The following TMC3 variants were observed in gnomAD, a reference collection of about 807,000 sequenced individuals.
The protein encoded by TMC3 is transmembrane channel-like protein 3.
A neutral mutation model predicts 110.6 loss-of-function variants in TMC3; 98 were observed. That is an observed-to-expected ratio of 0.89 (90% CI 0.75 to 1.05). The LOEUF (loss-of-function observed/expected upper bound fraction) is 1.05. Ranked by LOEUF, TMC3 falls within the 50% of genes least tolerant of loss-of-function variation. The pLI is 0.00. For missense variants in TMC3, 1,319 were observed against 1,373.2 expected (o/e 0.96, Z 0.62); for synonymous variants, 489 against 513.1 (o/e 0.95, Z 0.63).
intron 3 of TMC3, among the ~76,000 whole-genome samples, chr15:81,362,629 C>G (rs1191370036): frequency 6.6e-6 from 1 of 152,156 alleles, no homozygotes; most frequent in Non-Finnish European, 1.5e-5. Flanking sequence ...CCATCCCATT[C>G]CTGATGAGGG....
rs767112208 is a variant in TMC3 at position 81,336,605 on chromosome 15, T to C, written c.2203+4A>G. On this transcript the variant is annotated splice_donor_region_variant and intron_variant, in intron 20 of 21. Coordinates refer to ENST00000359440, the MANE Select transcript of TMC3 (RefSeq NM_001080532.3). ...CAACAACAAAAAGAAACGGAAATAC[T>C]TACCTTCTACCATCTGGGCAACCTT... 10 of 1,613,698 alleles carry C rather than the reference T, an allele frequency of 6.2e-6. No homozygotes were observed. Among genetic ancestry groups the C allele is most frequent in the Non-Finnish European group, 8.5e-6 (10 of 1,179,790 alleles).
chr15:81,368,330 TAAGAGAA>T lies in TMC3; in HGVS notation c.237-9_237-3del. ...TTCAGCACAATGTTCTTCGCTTGTC[TAAGAGAA>T]GAAAAACATGATGGTGAACACAATT... On this transcript the variant is annotated splice_region_variant and splice_polypyrimidine_tract_variant and intron_variant, in intron 2 of 21. Coordinates refer to ENST00000359440, the MANE Select transcript of TMC3 (RefSeq NM_001080532.3). 1 of 1,612,008 alleles carries T rather than the reference TAAGAGAA, an allele frequency of 6.2e-7. No homozygotes were observed. The highest frequency in any genetic ancestry group is 8.5e-7 in the Non-Finnish European group (1 of 1,178,232).
intron 3 of TMC3, 85 bp downstream of exon 3, chr15:81,368,168 C>A: frequency 1.1e-6 from 1 of 945,996 alleles, no homozygotes; most frequent in African/African-American, 1.6e-5. Context: ...CTTCTGACCT[C>A]GTGATCCACC....
chr15:81,341,305 G>T, intron 16 of TMC3, 85 bp downstream of exon 16: 1 of 1,409,002 alleles, frequency 7.1e-7, no homozygotes, highest in Non-Finnish European at 9.5e-7. Context: ...GGGACCCTTT[G>T]CTAGAGGACC....
intron 4 of TMC3, chr15:81,361,889 C>T: frequency 5.9e-6 from 1 of 168,130 alleles, no homozygotes. Context: ...TTTGCAATTC[C>T]TTGAGCTACC....
rs373067910 is a variant in TMC3 at position 81,332,904 on chromosome 15, G to T, written c.2818C>A (p.Gln940Lys). ...GTCTCCTCCTCTTCTTCACTCAGCT[G>T]TGGGGAGGGAGGCTGGCGGGGGACC... Reference protein sequence around the residue: ...SRVPRQPPSPQLSEEEEETPS... With the variant: ...SRVPRQPPSPKLSEEEEETPS... Residue 940 changes from glutamine (Q) to lysine (K), a missense_variant, in exon 22 of 22, where the codon CAG (glutamine) becomes AAG (lysine). Physicochemically the swap from Gln to Lys is moderately conservative, Grantham distance 53. Coordinates refer to ENST00000359440, the MANE Select transcript of TMC3 (RefSeq NM_001080532.3). 4 of 1,613,180 alleles carry T rather than the reference G, an allele frequency of 2.5e-6. No homozygotes were observed. In the African/African-American group the frequency reaches 5.3e-5, roughly 22 times the overall value.
chr15:81,332,672 C>T lies in TMC3; in HGVS notation c.3050G>A (p.Arg1017Gln), dbSNP rs1428681266. The T allele has an allele frequency of 5.6e-6, 9 of 1,613,972 alleles. No homozygotes were observed. In the Admixed American group the frequency reaches 6.7e-5, roughly 12 times the overall value. The change falls in exon 22 of 22, where the codon CGG (arginine) becomes CAG (glutamine). Residue 1017 changes from arginine (R) to glutamine (Q), a missense_variant. Coordinates refer to ENST00000359440, the MANE Select transcript of TMC3 (RefSeq NM_001080532.3). The stretch of plus-strand genomic sequence containing the variant: ...AGGGGGCTGTGGGTATTGGAAATTC[C>T]GGGATCGTGGCTTTCTGGGCACATA... Reference protein sequence around the residue: ...PAYVPRKPRSRNFQYPQPPLK... With the variant: ...PAYVPRKPRSQNFQYPQPPLK...
intron 4 of TMC3, among the ~76,000 whole-genome samples, chr15:81,360,590 T>C (rs1249656689): frequency 6.6e-6 from 1 of 150,694 alleles, no homozygotes; most frequent in Non-Finnish European, 1.5e-5. Context: ...GCACTCTCCG[T>C]AGAGAAGTTG....
chr15:81,354,593 G>A (rs1018551274), intron 9 of TMC3, among the ~76,000 whole-genome samples: 34 of 152,230 alleles, frequency 2.2e-4, no homozygotes, highest in South Asian at 2.1e-4. Context: ...CAGCGGGTAC[G>A]AGCAAGGGGT....
At chr15:81,343,677 C>T (rs943676603) in intron 14 of TMC3, among the ~76,000 whole-genome samples, 4 of 151,602 alleles carry the variant, frequency 2.6e-5, no homozygotes, top group African/African-American at 9.7e-5. Context: ...ATAGTCCCAG[C>T]TACTCGGGAG....
At chr15:81,373,192 C>G (rs902000965) in intron 1 of TMC3, among the ~76,000 whole-genome samples, 1 of 152,196 alleles carries the variant, frequency 6.6e-6, no homozygotes, top group African/African-American at 2.4e-5. Flanking sequence ...ATCAAAACTT[C>G]TGCCACTCAG....
chr15:81,337,792 C>G (rs1369009232), intron 19 of TMC3, 54 bp downstream of exon 19: 1 of 1,466,476 alleles, frequency 6.8e-7, no homozygotes, highest in East Asian at 2.3e-5. Flanking sequence ...CTGGCGGGAT[C>G]TCAGTCATGT....
Position 81,356,567 on chromosome 15 carries a change from A to G in TMC3, c.771T>C (p.Leu257=). Residue 257 remains leucine (L), a synonymous_variant, in exon 8 of 22, where the codon CTT becomes CTC. Transcript: ENST00000359440. ...KKMAKNSRTS[L]ASASNENYTF... ...TATAGTTTTCATTGGAAGCACTGGC[A>G]AGACTCGTGCGGGAGTTCTTAGCCA... The G allele has an allele frequency of 1.3e-6, 2 of 1,588,310 alleles. No individual in the cohort carries two copies. Among genetic ancestry groups the G allele is most frequent in the African/African-American group, 2.7e-5 (2 of 74,512 alleles).
At position 81,341,418 on chromosome 15, in the gene TMC3, G is replaced by A; in HGVS notation, c.1816C>T (p.Pro606Ser). Reference sequence around the variant, plus strand: ...GAGGCTCGAAATACTTGCTGGTGGGGCACATTGCAGGTCAGCACAGCCCAG... The same window carrying A: ...GAGGCTCGAAATACTTGCTGGTGGGACACATTGCAGGTCAGCACAGCCCAG... Reference protein sequence around the residue: ...RSWAVLTCNVPHQQVFRASRS... With the variant: ...RSWAVLTCNVSHQQVFRASRS... Residue 606 changes from proline to serine, a missense_variant, in exon 16 of 22, where the codon CCC becomes TCC. By Grantham distance (74) the Pro-to-Ser change is moderately conservative (BLOSUM62 -1). Transcript: ENST00000359440. 1 of 1,611,556 alleles carries A rather than the reference G, an allele frequency of 6.2e-7. No individual in the cohort carries two copies. The highest frequency in any genetic ancestry group is 1.1e-5 in the South Asian group (1 of 90,490).
rs199701373 is a variant in TMC3, at chr15:81,342,939, G to A, written c.1715+339C>T. 24 of 207,524 alleles carry A rather than the reference G, an allele frequency of 1.2e-4. No homozygotes were observed. In the East Asian group the frequency reaches 1.3e-3, roughly 11 times the overall value. The allele number at this position is 207,524 out of a possible 1,614,324, so 12.9% of individuals were successfully genotyped here. A position where few individuals can be genotyped will look rare whatever the true frequency, so the allele number is the denominator to read the frequency against. ...GAGGACAGACTGGCCAAGGTCCCCC[G>A]CAGCCACTCCTGAAGTCCTCACGAG... On this transcript the variant is annotated intron_variant, in intron 15 of 21. Transcript: ENST00000359440.
chr15:81,372,839 G>A lies in TMC3; in HGVS notation c.90-102C>T, dbSNP rs187525416. 5.0e-6 allele frequency: 6 copies of A among 1,209,388 alleles called. No individual in the cohort carries two copies. The Admixed American group carries it at 1.2e-4, about 25-fold the overall frequency. 74.9% of individuals were successfully genotyped at this position (1,209,388 alleles called of 1,614,324 possible). A position where few individuals can be genotyped will look rare whatever the true frequency, so the allele number is the denominator to read the frequency against. ...AAGTTCAGCATCTCACTGCCCTAGG[G>A]TCATCTGTATGAAATGTGTATGTGT... On this transcript the variant is annotated intron_variant, in intron 1 of 21. Transcript: ENST00000359440.
chr15:81,343,043 T>C (rs957672629), intron 15 of TMC3: 1 of 455,322 alleles, frequency 2.2e-6, no homozygotes, highest in African/African-American at 2.0e-5. Context: ...CAGATTTTTT[T>C]CGGCTGCGAC....
At chr15:81,343,462 C>T in intron 14 of TMC3, 117 bp from the exon 15 acceptor site, 1 of 689,374 alleles carries the variant, frequency 1.5e-6, no homozygotes, top group East Asian at 2.5e-5. Flanking sequence ...GAGATCAGTG[C>T]TTGTGGGGCC....
chr15:81,338,350 G>C (rs1166948294), intron 18 of TMC3, among the ~76,000 whole-genome samples: 1 of 152,058 alleles, frequency 6.6e-6, no homozygotes, highest in Non-Finnish European at 1.5e-5. Flanking sequence ...AATGATAATG[G>C]CATTCAGCCC....
Sources: allele counts gnomAD v4.1 joint callset (sites outside exome capture counted in the v4.1 genomes callset), GRCh38; gene constraint gnomAD v4.1.1; transcripts MANE v1.5; gene names NCBI Gene and HGNC (gene_info 2026-07-23, HGNC 2026-07-21).